The following EPB41 variants were observed in gnomAD, a reference collection of about 807,000 sequenced individuals.
The protein encoded by EPB41 is protein 4.1.
In EPB41, 65 loss-of-function variants were observed where a neutral mutation model predicts 108.0. That is an observed-to-expected ratio of 0.60 (90% CI 0.49 to 0.74). The LOEUF (loss-of-function observed/expected upper bound fraction) is 0.74, where lower values mean the gene tolerates loss of function less well. EPB41 is among the 30% of genes least tolerant of loss of function. The pLI is 0.00. For missense variants in EPB41, 875 were observed against 1,037.0 expected (o/e 0.84, Z 2.15); for synonymous variants, 336 against 358.9 (o/e 0.94, Z 0.72).
At chr1:28,995,937 A>G (rs996359439) in intron 3 of EPB41, among the ~76,000 whole-genome samples, 1 of 152,240 alleles carries the variant, frequency 6.6e-6, no homozygotes. Context: ...TATGTGAATT[A>G]TTAATAGTCA....
At chr1:29,066,994 A>G (rs985197403) in intron 16 of EPB41, among the ~76,000 whole-genome samples, 8 of 150,646 alleles carry the variant, frequency 5.3e-5, no homozygotes, top group Non-Finnish European at 8.9e-5. Context: ...TTTTTTTTAA[A>G]TTTTCAGAAT....
chr1:28,982,224 T>G (rs1366632549), intron 1 of EPB41: 1 of 412,696 alleles, frequency 2.4e-6, no homozygotes, highest in Non-Finnish European at 4.7e-6. Context: ...GGACATGAAC[T>G]CATCATTTTT....
intron 11 of EPB41, among the ~76,000 whole-genome samples, chr1:29,048,498 A>G (rs1265897585): frequency 1.3e-5 from 2 of 152,224 alleles, no homozygotes; most frequent in African/African-American, 4.8e-5. Flanking sequence ...GGCGTGAGCC[A>G]CCGCGCCCGG....
chr1:28,896,406 G>T (rs527758324), intron 1 of EPB41, among the ~76,000 whole-genome samples: 1 of 152,198 alleles, frequency 6.6e-6, no homozygotes, highest in Non-Finnish European at 1.5e-5. Context: ...AAGTAAGAAT[G>T]TACCTCCCTT....
At chr1:28,960,931 G>C (rs1328035480) in intron 1 of EPB41, among the ~76,000 whole-genome samples, 1 of 151,488 alleles carries the variant, frequency 6.6e-6, no homozygotes, top group East Asian at 1.9e-4. Context: ...CTACTCGGGA[G>C]CCTGAGGCAG....
chr1:28,905,505 A>C (rs974061282), intron 1 of EPB41, among the ~76,000 whole-genome samples: 47 of 151,730 alleles, frequency 3.1e-4, no homozygotes, highest in East Asian at 1.4e-3. Flanking sequence ...CAAAAAAAAA[A>C]AACAACAAAA....
At chr1:29,051,269 T>C (rs1280378624) in intron 11 of EPB41, among the ~76,000 whole-genome samples, 1 of 151,518 alleles carries the variant, frequency 6.6e-6, no homozygotes, top group Non-Finnish European at 1.5e-5. Context: ...TGGCTAATTT[T>C]TGTATTTTTA....
intron 7 of EPB41, among the ~76,000 whole-genome samples, chr1:29,019,151 C>G (rs1222689766): frequency 2.6e-5 from 4 of 152,114 alleles, no homozygotes; most frequent in Admixed American, 1.3e-4. Flanking sequence ...CACAATGGCT[C>G]GCACCTGAAA....
At chr1:29,109,666 A>G in intron 18 of EPB41, 1 of 568,006 alleles carries the variant, frequency 1.8e-6, no homozygotes, top group Non-Finnish European at 3.2e-6. Context: ...TCCTAAAGGT[A>G]GGTGTGGTTG....
At chr1:29,069,292 T>C in intron 16 of EPB41, 1 of 1,231,660 alleles carries the variant, frequency 8.1e-7, no homozygotes, top group Non-Finnish European at 1.0e-6. Context: ...TTTCCTTTCA[T>C]AGATAACATC....
intron 7 of EPB41, among the ~76,000 whole-genome samples, chr1:29,022,938 A>G (rs891141679): frequency 3.9e-5 from 6 of 152,020 alleles, no homozygotes; most frequent in African/African-American, 1.2e-4. Flanking sequence ...TGTTTCAGAA[A>G]ATATTGGTAT....
At chr1:28,988,801 C>T (rs1025656373) in intron 2 of EPB41, among the ~76,000 whole-genome samples, 1 of 152,206 alleles carries the variant, frequency 6.6e-6, no homozygotes, top group Non-Finnish European at 1.5e-5. Context: ...ATCCTCCCAC[C>T]TCAGCCTCCT....
intron 16 of EPB41, among the ~76,000 whole-genome samples, chr1:29,088,867 C>T (rs1660210085): frequency 6.6e-6 from 1 of 152,120 alleles, no homozygotes; most frequent in Non-Finnish European, 1.5e-5. Context: ...CCTAGCTAAT[C>T]GGGAGCCTCA....
intron 1 of EPB41, among the ~76,000 whole-genome samples, chr1:28,931,638 C>T (rs1350974622): frequency 6.6e-6 from 1 of 150,946 alleles, no homozygotes; most frequent in Non-Finnish European, 1.5e-5. Flanking sequence ...AAGCAGTTCT[C>T]CTGCCTCAGC....
intron 11 of EPB41, among the ~76,000 whole-genome samples, chr1:29,047,794 G>GTATGTATT (rs1553262950): frequency 1.2e-4 from 18 of 151,528 alleles, no homozygotes; most frequent in African/African-American, 4.1e-4. Context: ...ATGTATGTAT[G>GTATGTATT]TATTTATTTT....
rs996780296 is a variant in EPB41, at chr1:28,887,757, T to C, written c.-8+547T>C. ...GACCCGCCAGCTGGGGCGCCGGCTGTGCCCGCCAGGGTGGCCCCCCCGGCC... is the reference window on the plus strand; with the variant it reads ...GACCCGCCAGCTGGGGCGCCGGCTGCGCCCGCCAGGGTGGCCCCCCCGGCC... On this transcript the variant is annotated intron_variant, in intron 1 of 16. Transcript: ENST00000347529. The surrounding 1 kb of genome is among the most constrained non-coding windows in gnomAD (Gnocchi z 4.9). The C allele has an allele frequency of 3.6e-5, 33 of 920,600 alleles. No individual in the cohort carries two copies. The highest frequency in any genetic ancestry group is 4.2e-5 in the Non-Finnish European group (32 of 770,768). The allele number at this position is 920,600 out of a possible 1,614,324, so 57.0% of individuals were successfully genotyped here.
At chr1:29,094,151 G>A (rs1049769635) in intron 16 of EPB41, among the ~76,000 whole-genome samples, 2 of 152,076 alleles carry the variant, frequency 1.3e-5, no homozygotes, top group Non-Finnish European at 2.9e-5. Context: ...CAGCTTTGTC[G>A]AGGTTCAGAT....
chr1:28,938,729 C>T (rs974890421), intron 1 of EPB41, among the ~76,000 whole-genome samples: 1 of 151,918 alleles, frequency 6.6e-6, no homozygotes, highest in Non-Finnish European at 1.5e-5. Context: ...GACTAGGTTT[C>T]GCCATGTTGC....
chr1:28,932,222 A>C (rs2093786539), intron 1 of EPB41, among the ~76,000 whole-genome samples: 1 of 152,100 alleles, frequency 6.6e-6, no homozygotes, highest in African/African-American at 2.4e-5. Context: ...TCCCGAATTC[A>C]AGTGATTCTT....
Sources: gnomAD v4.1 joint callset for allele counts (sites outside exome capture counted in the v4.1 genomes callset) on GRCh38, gnomAD v4.1.1 for gene constraint, Gnocchi (gnomAD v3.1) non-coding constraint, MANE v1.5 for transcripts, NCBI Gene and HGNC (gene_info 2026-07-23, HGNC 2026-07-21) for gene names.